The following GPR158 variants were observed in gnomAD, a reference collection of about 807,000 sequenced individuals.
GPR158 encodes the protein G protein-coupled receptor 158.
GPR158 carries 30 observed loss-of-function variants against 78.2 expected under a neutral mutation model. The ratio of observed to expected loss-of-function variants is 0.38; its 90% CI spans 0.29 to 0.52. GPR158 has a LOEUF of 0.52. GPR158 is among the 20% of genes least tolerant of loss of function. The pLI is 0.83. For synonymous variants in GPR158, 581 were observed against 591.1 expected, an observed-to-expected ratio of 0.98 and a Z score of 0.25; for missense variants, 1,463 against 1,523.5, an observed-to-expected ratio of 0.96 and a Z score of 0.66.
intron 4 of GPR158, among the ~76,000 whole-genome samples, chr10:25,444,415 G>T (rs916558627): frequency 2.0e-5 from 3 of 151,560 alleles, no homozygotes; most frequent in Non-Finnish European, 1.5e-5. Flanking sequence ...GTGGGTGAGT[G>T]TGAGTGTATG....
intron 9 of GPR158, 137 bp from the exon 10 acceptor site, chr10:25,596,506 T>G: frequency 1.7e-6 from 1 of 598,734 alleles, no homozygotes; most frequent in Non-Finnish European, 2.9e-6. Context: ...TATCTATCTA[T>G]CTATATATAT....
At chr10:25,284,703 GTCT>G (rs1226659459) in intron 2 of GPR158, among the ~76,000 whole-genome samples, 2 of 150,662 alleles carry the variant, frequency 1.3e-5, no homozygotes, top group Non-Finnish European at 1.5e-5. Flanking sequence ...CTCTTTTTCT[GTCT>G]TCTTTTTAAA....
chr10:25,257,618 C>G (rs1853907869), intron 2 of GPR158, among the ~76,000 whole-genome samples: 1 of 152,146 alleles, frequency 6.6e-6, no homozygotes, highest in African/African-American at 2.4e-5. Context: ...CTAATTTATT[C>G]AAAATAATTT....
intron 2 of GPR158, among the ~76,000 whole-genome samples, chr10:25,317,814 C>T (rs1436437604): frequency 4.6e-5 from 7 of 150,898 alleles, no homozygotes; most frequent in Non-Finnish European, 1.0e-4. Context: ...CTGCAGTGTC[C>T]GCCTCCTAGG....
chr10:25,523,369 G>A (rs2130685288), intron 5 of GPR158, among the ~76,000 whole-genome samples: 1 of 152,330 alleles, frequency 6.6e-6, no homozygotes, highest in African/African-American at 2.4e-5. Flanking sequence ...TGCTAGGAAT[G>A]CGACATGAGT....
At position 25,496,532 on chromosome 10, in the gene GPR158, AGTAGAAATCCTTG is replaced by A. The variant is rs1835882829; in HGVS notation, c.1404+29816_1404+29828del. ...AAAGACTCTGGGGAGTTTTAAAGTTAGTAGAAATCCTTGGTGCTTTTCCAATTAGCTGGTAAAG... is the reference window on the plus strand; with the variant it reads ...AAAGACTCTGGGGAGTTTTAAAGTTAGTGCTTTTCCAATTAGCTGGTAAAG... On this transcript the variant is annotated intron_variant, in intron 5 of 10. Transcript: ENST00000376351. Among the ~76,000 whole-genome samples, 17 of 152,366 alleles carry A rather than the reference AGTAGAAATCCTTG, an allele frequency of 1.1e-4. No individual in the cohort carries two copies. In the South Asian group the frequency reaches 3.5e-3, roughly 32 times the overall value.
At position 25,176,328 on chromosome 10, in the gene GPR158, G is replaced by T; in HGVS notation, c.902+6G>T. On this transcript the variant is annotated splice_donor_region_variant and intron_variant, in intron 1 of 10. Transcript: ENST00000376351. The surrounding 1 kb of genome is among the most constrained non-coding windows in gnomAD (Gnocchi z 6.3). ...AACCTGGTCCCGGAATTCAGGTAGG[G>T]AGGGCCGGGGGGCAGGGGGGAAGGC... is the stretch of plus-strand genomic sequence containing the variant. 1 of 1,567,212 alleles carries T rather than the reference G, an allele frequency of 6.4e-7. No individual in the cohort carries two copies.
In GPR158 at chr10:25,598,091, A is replaced by T; in HGVS notation, c.2465A>T (p.Asp822Val). 1 of 1,614,076 alleles carries T rather than the reference A, an allele frequency of 6.2e-7. No homozygotes were observed. Among genetic ancestry groups the T allele is most frequent in the Non-Finnish European group, 8.5e-7 (1 of 1,180,016 alleles). ...CTCAAGAAATCCCACAGCACTTATG[A>T]CCACGTGAGAGACCAAACGGAAGAG... The part of the protein sequence containing the change: ...FSLKKSHSTY[D>V]HVRDQTEESS... The change falls in exon 11 of 11, where the codon GAC becomes GTC. Residue 822 changes from aspartate to valine, a missense_variant. Transcript: ENST00000376351.
At chr10:25,275,547 T>C (rs1854172752) in intron 2 of GPR158, among the ~76,000 whole-genome samples, 1 of 152,126 alleles carries the variant, frequency 6.6e-6, no homozygotes, top group African/African-American at 2.4e-5. Context: ...AAGAGAGATT[T>C]GGGGTGGTTT....
At chr10:25,350,459 A>C (rs1056399969) in intron 2 of GPR158, among the ~76,000 whole-genome samples, 10 of 151,954 alleles carry the variant, frequency 6.6e-5, no homozygotes, top group African/African-American at 2.4e-4. Context: ...ACTTCTTTCT[A>C]ACCTGCCCCT....
At chr10:25,580,650 A>T (rs1283452772) in intron 7 of GPR158, among the ~76,000 whole-genome samples, 1 of 152,216 alleles carries the variant, frequency 6.6e-6, no homozygotes, top group African/African-American at 2.4e-5. Flanking sequence ...TTCATTACAT[A>T]CATTTTCTTT....
chr10:25,598,566 G>A lies in GPR158; in HGVS notation c.2940G>A (p.Arg980=), dbSNP rs771831499. 4.8e-5 allele frequency: 77 copies of A among 1,613,500 alleles called. No individual in the cohort carries two copies. The highest frequency in any genetic ancestry group is 6.3e-5 in the Non-Finnish European group (74 of 1,179,892). ...AATCTGGGATTATGAAACAACAAAG[G>A]GTCAACCCCACCACTGCCAATTCTG... ...PQKSGIMKQQ[R]VNPTTANSDL... is the part of the protein sequence containing the mutation. The change falls in exon 11 of 11, where the codon AGG becomes AGA. Residue 980 remains arginine, a synonymous_variant. Transcript: ENST00000376351.
intron 6 of GPR158, among the ~76,000 whole-genome samples, chr10:25,570,920 A>T (rs1836997317): frequency 6.6e-6 from 1 of 151,976 alleles, no homozygotes; most frequent in Non-Finnish European, 1.5e-5. Flanking sequence ...ACTCCATCTT[A>T]AAAAAAATAA....
chr10:25,279,502 G>T (rs148796854), intron 2 of GPR158, among the ~76,000 whole-genome samples: 110 of 152,184 alleles, frequency 7.2e-4, no homozygotes, highest in African/African-American at 2.4e-3. Context: ...TAAGCATTTT[G>T]TGGGGTGGGG....
At chr10:25,420,049 T>A (rs1160971416) in intron 4 of GPR158, among the ~76,000 whole-genome samples, 1 of 152,212 alleles carries the variant, frequency 6.6e-6, no homozygotes, top group African/African-American at 2.4e-5. Context: ...TTATATATGC[T>A]GTATATTAAT....
At chr10:25,426,549 C>T (rs951827013) in intron 4 of GPR158, among the ~76,000 whole-genome samples, 1 of 151,940 alleles carries the variant, frequency 6.6e-6, no homozygotes, top group Non-Finnish European at 1.5e-5. Context: ...TGTTATGTCT[C>T]AGGGAATAGG....
At chr10:25,470,451 T>G (rs1236960606) in intron 5 of GPR158, among the ~76,000 whole-genome samples, 1 of 152,126 alleles carries the variant, frequency 6.6e-6, no homozygotes, top group Non-Finnish European at 1.5e-5. Flanking sequence ...ACTTTGATCT[T>G]GCATTTTTCA....
chr10:25,227,583 A>C (rs148487404), intron 2 of GPR158, among the ~76,000 whole-genome samples: 153 of 152,214 alleles, frequency 1.0e-3, no homozygotes, highest in East Asian at 3.3e-3. Flanking sequence ...TTTTCTTCTT[A>C]TTATTATGGT....
At chr10:25,593,504 C>A (rs1837366670) in intron 8 of GPR158, among the ~76,000 whole-genome samples, 2 of 151,928 alleles carry the variant, frequency 1.3e-5, no homozygotes, top group South Asian at 4.1e-4. Context: ...ATGGATAAGA[C>A]CTTTATGAAA....
Sources: allele counts gnomAD v4.1 joint callset (sites outside exome capture counted in the v4.1 genomes callset), GRCh38; gene constraint gnomAD v4.1.1; non-coding constraint Gnocchi (gnomAD v3.1); transcripts MANE v1.5; gene names NCBI Gene and HGNC (gene_info 2026-07-23, HGNC 2026-07-21).